Variants in THRB observed in about 807,000 individuals in gnomAD.
THRB encodes the protein thyroid hormone receptor beta.
Under a neutral mutation model 47.8 loss-of-function variants are expected in THRB, and 12 were observed. The observed-to-expected ratio is 0.25, with a 90% confidence interval of 0.16 to 0.41. The LOEUF is 0.41. THRB is among the 10% of genes least tolerant of loss of function. The pLI is 1.00. For synonymous variants in THRB, 218 were observed against 212.2 expected, an observed-to-expected ratio of 1.03 and a Z score of -0.24; for missense variants, 348 against 589.2, an observed-to-expected ratio of 0.59 and a Z score of 4.24.
chr3:24,438,329 A>G (rs1327284237), intron 1 of THRB, among the ~76,000 whole-genome samples: 1 of 152,158 alleles, frequency 6.6e-6, no homozygotes, highest in Non-Finnish European at 1.5e-5. Flanking sequence ...AGAGAGAAGA[A>G]TAAAGAAGCA....
At chr3:24,125,935 C>T (rs1005026808) in intron 10 of THRB, among the ~76,000 whole-genome samples, 4 of 151,982 alleles carry the variant, frequency 2.6e-5, no homozygotes, top group East Asian at 1.9e-4. Context: ...TGTAGGAGGC[C>T]GGTCTGGAGT....
At chr3:24,405,817 C>T (rs1466766968) in intron 1 of THRB, among the ~76,000 whole-genome samples, 2 of 151,474 alleles carry the variant, frequency 1.3e-5, no homozygotes, top group African/African-American at 2.4e-5. Context: ...TGTTGGATTA[C>T]TTTGGGGAGA....
intron 1 of THRB, among the ~76,000 whole-genome samples, chr3:24,357,375 C>CA (rs1184114826): frequency 2.7e-5 from 2 of 72,914 alleles, no homozygotes; most frequent in East Asian, 3.9e-4. Flanking sequence ...AAAAAAAAAA[C>CA]AAAAAACAAA....
chr3:24,209,995 C>G (rs1427918390), intron 4 of THRB, among the ~76,000 whole-genome samples: 1 of 152,296 alleles, frequency 6.6e-6, no homozygotes, highest in East Asian at 1.9e-4. Flanking sequence ...CAGATGACAG[C>G]TTCTGTGGAG....
intron 3 of THRB, among the ~76,000 whole-genome samples, chr3:24,264,347 T>C (rs1404869759): frequency 1.3e-5 from 2 of 152,134 alleles, no homozygotes; most frequent in Non-Finnish European, 2.9e-5. Context: ...CAGGCCCCCT[T>C]GGTGCTTAAA....
At chr3:24,460,431 T>C (rs115399955) in intron 1 of THRB, among the ~76,000 whole-genome samples, 1,985 of 152,338 alleles carry the variant, frequency 0.013, 50 homozygotes, top group African/African-American at 0.045. Flanking sequence ...TTCAAACCAC[T>C]GTGTTGGGTT....
intron 2 of THRB, among the ~76,000 whole-genome samples, chr3:24,328,094 C>G (rs1379465334): frequency 6.6e-6 from 1 of 152,128 alleles, no homozygotes; most frequent in African/African-American, 2.4e-5. Flanking sequence ...AGCAGCCTCA[C>G]TATTGGGGTT....
At position 24,290,409 on chromosome 3, in the gene THRB, C is replaced by T. The variant is rs188935491; in HGVS notation, c.-43+6817G>A. Among the ~76,000 whole-genome samples the T allele has an allele frequency of 2.0e-3, 300 of 152,308 alleles. 2 individuals carry two copies. Among genetic ancestry groups the T allele is most frequent in the African/African-American group, 7.0e-3 (290 of 41,560 alleles). ...GAAATGTCTGAATTAACACGGGAGA[C>T]ATCTTATAAACAAAATGTTCTCTCC... On this transcript the variant is annotated intron_variant, in intron 3 of 10. Coordinates refer to ENST00000646209, the MANE Select transcript of THRB (RefSeq NM_001354712.2).
chr3:24,327,167 T>G (rs80267470), intron 2 of THRB, among the ~76,000 whole-genome samples: 3,655 of 152,284 alleles, frequency 0.024, 48 homozygotes, highest in Middle Eastern at 0.041. Context: ...AAAACTTGTG[T>G]TTAGAATAAA....
chr3:24,230,822 A>G (rs1204629102), intron 3 of THRB, among the ~76,000 whole-genome samples: 1 of 152,180 alleles, frequency 6.6e-6, no homozygotes, highest in Non-Finnish European at 1.5e-5. Context: ...ATGATTTTTC[A>G]GGGTGAAAGA....
intron 1 of THRB, among the ~76,000 whole-genome samples, chr3:24,389,534 A>C (rs1275259703): frequency 6.6e-6 from 1 of 152,192 alleles, no homozygotes; most frequent in African/African-American, 2.4e-5. Flanking sequence ...AAGGCTGTTA[A>C]AAATTCACTC....
chr3:24,408,576 GC>G (rs552556410), intron 1 of THRB, among the ~76,000 whole-genome samples: 86 of 151,886 alleles, frequency 5.7e-4, no homozygotes, highest in African/African-American at 2.1e-3. Flanking sequence ...TTTGTTTCCT[GC>G]TAACAGAAAC....
chr3:24,468,881 A>T (rs888830970), intron 1 of THRB, among the ~76,000 whole-genome samples: 1 of 152,160 alleles, frequency 6.6e-6, no homozygotes, highest in Non-Finnish European at 1.5e-5. Flanking sequence ...TTTCAGTCAC[A>T]TAGTTGCCAC....
intron 1 of THRB, among the ~76,000 whole-genome samples, chr3:24,467,104 T>C (rs1177900399): frequency 6.6e-6 from 1 of 152,242 alleles, no homozygotes; most frequent in Non-Finnish European, 1.5e-5. Flanking sequence ...ACTTCAACAA[T>C]ATTCACAGCA....
chr3:24,427,956 T>G (rs1325404911), intron 1 of THRB, among the ~76,000 whole-genome samples: 1 of 152,024 alleles, frequency 6.6e-6, no homozygotes, highest in Non-Finnish European at 1.5e-5. Context: ...TTCTTTTTAG[T>G]TCAAACTAGG....
intron 1 of THRB, among the ~76,000 whole-genome samples, chr3:24,435,701 CT>C (rs964838109): frequency 6.6e-6 from 1 of 152,174 alleles, no homozygotes; most frequent in Non-Finnish European, 1.5e-5. Context: ...CACTCAACAA[CT>C]TAAAACCAAA....
At chr3:24,475,497 ATGTG>A (rs1325040604) in intron 1 of THRB, among the ~76,000 whole-genome samples, 1 of 151,846 alleles carries the variant, frequency 6.6e-6, no homozygotes, top group Non-Finnish European at 1.5e-5. Flanking sequence ...GTGTGTATAT[ATGTG>A]TGTAATTTGA....
chr3:24,218,756 G>C (rs2046870184), intron 4 of THRB, among the ~76,000 whole-genome samples: 1 of 152,044 alleles, frequency 6.6e-6, no homozygotes, highest in African/African-American at 2.4e-5. Context: ...TCAGCATTGG[G>C]ATTTTTAAGA....
At chr3:24,237,728 G>C (rs1346988477) in intron 3 of THRB, among the ~76,000 whole-genome samples, 1 of 152,130 alleles carries the variant, frequency 6.6e-6, no homozygotes, top group East Asian at 1.9e-4. Flanking sequence ...CTTAATCCAT[G>C]GTAGTATTCT....
Sources: gnomAD v4.1 joint callset for allele counts (sites outside exome capture counted in the v4.1 genomes callset) on GRCh38, gnomAD v4.1.1 for gene constraint, MANE v1.5 for transcripts, NCBI Gene and HGNC (gene_info 2026-07-23, HGNC 2026-07-21) for gene names.